TPP2: variants seen among roughly 807,000 people sequenced by gnomAD.
TPP2 encodes the protein tripeptidyl-peptidase 2.
Under a neutral mutation model 155.9 loss-of-function variants are expected in TPP2, and 34 were observed. The observed-to-expected ratio is 0.22, with a 90% CI of 0.17 to 0.29. TPP2 has a LOEUF of 0.29. TPP2 is among the 10% of genes least tolerant of loss of function. TPP2 has a pLI of 1.00. For synonymous variants in TPP2, 510 were observed against 529.4 expected (o/e 0.96, Z 0.50); for missense variants, 1,028 against 1,522.3 (o/e 0.68, Z 5.40).
At chr13:102,665,307 T>C (rs1014478900) in intron 27 of TPP2, among the ~76,000 whole-genome samples, 1 of 152,206 alleles carries the variant, frequency 6.6e-6, no homozygotes, top group Non-Finnish European at 1.5e-5. Context: ...AAACCTAATA[T>C]TTGGTTTGTA....
chr13:102,597,703 A>C (rs1472667131), intron 1 of TPP2, among the ~76,000 whole-genome samples: 1 of 152,252 alleles, frequency 6.6e-6, no homozygotes, highest in African/African-American at 2.4e-5. Context: ...CAGATAGGCA[A>C]CTGACATGTG....
chr13:102,640,302 T>A lies in TPP2; in HGVS notation c.1946T>A (p.Phe649Tyr). ...GAATCATCACATTATGATCTAGCCT[T>A]TACAGATGTACACTTTAAACCTGGT... is the stretch of plus-strand genomic sequence containing the variant. Reference protein sequence around the residue: ...VNESSHYDLAFTDVHFKPGQI... With the variant: ...VNESSHYDLAYTDVHFKPGQI... Residue 649 changes from phenylalanine (F) to tyrosine (Y), a missense_variant, in exon 16 of 30, where the codon TTT becomes TAT. By Grantham distance (22) the Phe-to-Tyr change is conservative. This residue lies in a region of TPP2 where 325 missense variants were observed against 463.7 expected (regional missense o/e 0.70). Coordinates refer to ENST00000376052, the MANE Select transcript of TPP2 (RefSeq NM_001330588.2). 6.2e-7 allele frequency: 1 copy of A among 1,612,730 alleles called. No homozygotes were observed. The highest frequency in any genetic ancestry group is 8.5e-7 in the Non-Finnish European group (1 of 1,179,120).
rs1426255418 is a variant in TPP2, at chr13:102,647,388, C to T, written c.2628+44C>T. 4 of 1,583,492 alleles carry T rather than the reference C, an allele frequency of 2.5e-6. No individual in the cohort carries two copies. The East Asian group carries it at 9.0e-5, about 36-fold the overall frequency. ...TTTTTAGAATTAACGGAAGCTGTTTCCTGAACTAACAAAATCCTGGTTTCT... is the reference window on the plus strand; with the variant it reads ...TTTTTAGAATTAACGGAAGCTGTTTTCTGAACTAACAAAATCCTGGTTTCT... On this transcript the variant is annotated intron_variant, in intron 21 of 29. Transcript: ENST00000376052.
At chr13:102,655,990 A>G (rs1595197809) in intron 24 of TPP2, among the ~76,000 whole-genome samples, 3 of 151,834 alleles carry the variant, frequency 2.0e-5, no homozygotes, top group African/African-American at 4.8e-5. Context: ...TCAGCAACAC[A>G]TTGGTTCTAC....
intron 5 of TPP2, among the ~76,000 whole-genome samples, chr13:102,622,230 A>G (rs2139460763): frequency 6.6e-6 from 1 of 152,344 alleles, no homozygotes; most frequent in South Asian, 2.1e-4. Flanking sequence ...AGCTAAAAAC[A>G]TAATATTGAA....
intron 27 of TPP2, among the ~76,000 whole-genome samples, chr13:102,670,174 G>T (rs560597700): frequency 6.6e-6 from 1 of 151,918 alleles, no homozygotes; most frequent in South Asian, 2.1e-4. Flanking sequence ...TTGTGGGTGG[G>T]GGGGTGTGGC....
chr13:102,619,143 G>C (rs1880963417), intron 5 of TPP2, among the ~76,000 whole-genome samples: 1 of 152,152 alleles, frequency 6.6e-6, no homozygotes, highest in Non-Finnish European at 1.5e-5. Context: ...TGTTAATTGA[G>C]ATAGTGGTGC....
intron 10 of TPP2, among the ~76,000 whole-genome samples, chr13:102,630,639 G>A (rs1023479805): frequency 6.6e-6 from 1 of 152,022 alleles, no homozygotes; most frequent in African/African-American, 2.4e-5. Flanking sequence ...AGCAATTTTG[G>A]GTGAGATCCA....
At chr13:102,628,057 A>G (rs1179719623) in intron 8 of TPP2, 133 bp downstream of exon 8, 1 of 713,868 alleles carries the variant, frequency 1.4e-6, no homozygotes, top group South Asian at 1.9e-5. Flanking sequence ...ACTGTGTTCA[A>G]GAGGACTTTC....
At position 102,634,070 on chromosome 13, in the gene TPP2, A is replaced by C; in HGVS notation, c.1365A>C (p.Ala455=). ...GAACATCTATGTCTTCCCCCAATGC[A>C]TGTGGAGGCATTGCCCTGATCCTTT... The part of the protein sequence containing the change: ...MNGTSMSSPN[A]CGGIALILSG... The change falls in exon 11 of 30, where the codon GCA becomes GCC. Residue 455 remains alanine, a synonymous_variant. Coordinates refer to ENST00000376052, the MANE Select transcript of TPP2 (RefSeq NM_001330588.2). 1 of 1,614,040 alleles carries C rather than the reference A, an allele frequency of 6.2e-7. No homozygotes were observed. Among genetic ancestry groups the C allele is most frequent in the Non-Finnish European group, 8.5e-7 (1 of 1,179,938 alleles).
intron 28 of TPP2, 34 bp downstream of exon 28, chr13:102,674,524 T>C (rs746447347): frequency 1.2e-6 from 2 of 1,609,342 alleles, no homozygotes; most frequent in Middle Eastern, 1.7e-4. Context: ...AGCAAAGTTC[T>C]TGGGGTTACC....
rs1398365971 is a variant in TPP2 at position 102,622,963 on chromosome 13, T to C, written c.707T>C (p.Phe236Ser). The C allele has an allele frequency of 6.2e-7, 1 of 1,614,200 alleles. No individual in the cohort carries two copies. The highest frequency in any genetic ancestry group is 8.5e-7 in the Non-Finnish European group (1 of 1,180,034). The change falls in exon 6 of 30, where the codon TTT (phenylalanine) becomes TCT (serine). Residue 236 changes from phenylalanine to serine, a missense_variant. This residue lies in a region of TPP2 where 300 missense variants were observed against 398.3 expected (regional missense o/e 0.75). Coordinates refer to ENST00000376052, the MANE Select transcript of TPP2 (RefSeq NM_001330588.2). ...AAAGAAGCCCAAGAATATGGCTCTT[T>C]TGGCACAGCTGAGATGTTGAATTAC... Reference protein sequence around the residue: ...NYKEAQEYGSFGTAEMLNYSV... With the variant: ...NYKEAQEYGSSGTAEMLNYSV...
At chr13:102,646,411 G>A (rs1883105962) in intron 20 of TPP2, 21 bp downstream of exon 20, 6 of 1,588,036 alleles carry the variant, frequency 3.8e-6, no homozygotes, top group African/African-American at 1.3e-5. Flanking sequence ...GCCTAGTAAA[G>A]TGTACCCTTA....
At chr13:102,616,282 A>G (rs143526918) in intron 3 of TPP2, 114 bp from the exon 4 acceptor site, 4 of 794,032 alleles carry the variant, frequency 5.0e-6, no homozygotes, top group East Asian at 2.8e-5. Flanking sequence ...AAACCTCTCT[A>G]TGAGAATTGT....
At chr13:102,624,047 G>A (rs7318326) in intron 6 of TPP2, among the ~76,000 whole-genome samples, 75,141 of 152,004 alleles carry the variant, frequency 0.49, 18,985 homozygotes, top group African/African-American at 0.6. Flanking sequence ...AGGGCCGAAT[G>A]TATTATATAG....
chr13:102,674,308 C>T lies in TPP2; in HGVS notation c.3397C>T (p.Leu1133Phe). The T allele has an allele frequency of 6.2e-7, 1 of 1,613,608 alleles. No individual in the cohort carries two copies. Among genetic ancestry groups the T allele is most frequent in the Non-Finnish European group, 8.5e-7 (1 of 1,179,656 alleles). The change falls in exon 28 of 30, where the codon CTC (leucine) becomes TTC (phenylalanine). Residue 1133 changes from leucine to phenylalanine, a missense_variant. By Grantham distance (22) the Leu-to-Phe change is conservative (BLOSUM62 0). Coordinates refer to ENST00000376052, the MANE Select transcript of TPP2 (RefSeq NM_001330588.2). ...KNDMDKQKST[L>F]VDALCRKGCA... The stretch of plus-strand genomic sequence containing the variant: ...TGACATGGACAAACAAAAATCCACC[C>T]TCGTAGATGCCCTTTGTAGGAAAGG...
At chr13:102,632,578 A>G (rs1882091691) in intron 10 of TPP2, among the ~76,000 whole-genome samples, 1 of 152,204 alleles carries the variant, frequency 6.6e-6, no homozygotes, top group African/African-American at 2.4e-5. Flanking sequence ...ACATCTAGAA[A>G]TGCTTTATCA....
chr13:102,638,386 A>G (rs1029073171), intron 15 of TPP2, 71 bp downstream of exon 15: 28 of 1,469,234 alleles, frequency 1.9e-5, no homozygotes, highest in Middle Eastern at 1.7e-4. Flanking sequence ...AGTCTTGTGG[A>G]CTTTTAATGA....
intron 8 of TPP2, among the ~76,000 whole-genome samples, chr13:102,629,134 G>T (rs532629173): frequency 8.3e-4 from 127 of 152,242 alleles, no homozygotes; most frequent in Non-Finnish European, 1.6e-3. Flanking sequence ...ACTCATAATT[G>T]TATGTACGAA....
Sources: gnomAD v4.1 joint callset for allele counts (sites outside exome capture counted in the v4.1 genomes callset) on GRCh38, gnomAD v4.1.1 for gene constraint, gnomAD v4.1.1 regional missense constraint, MANE v1.5 for transcripts, NCBI Gene and HGNC (gene_info 2026-07-23, HGNC 2026-07-21) for gene names.